MYT1: variants seen among roughly 807,000 people sequenced by gnomAD.
MYT1 encodes myelin transcription factor I.
Under a neutral mutation model 123.0 loss-of-function variants are expected in MYT1, and 23 were observed. The ratio of observed to expected loss-of-function variants is 0.19; its 90% CI spans 0.13 to 0.26. The LOEUF (loss-of-function observed/expected upper bound fraction) is 0.26. MYT1 is among the 10% of genes least tolerant of loss of function. The pLI is 1.00. For synonymous variants in MYT1, 518 were observed against 575.3 expected (o/e 0.90, Z 1.43); for missense variants, 1,125 against 1,472.5 (o/e 0.76, Z 3.86).
chr20:64,210,605 C>T (rs1983638748), intron 7 of MYT1, among the ~76,000 whole-genome samples: 1 of 152,198 alleles, frequency 6.6e-6, no homozygotes, highest in African/African-American at 2.4e-5. Flanking sequence ...CCAAAGGGGA[C>T]AGCTCTCGTC....
intron 1 of MYT1, among the ~76,000 whole-genome samples, chr20:64,178,332 C>A (rs1026938302): frequency 7.9e-5 from 12 of 152,270 alleles, no homozygotes; most frequent in African/African-American, 2.9e-4. Flanking sequence ...TCCACCCTCA[C>A]CTTCTCGGCC....
At chr20:64,222,223 ACCTTTGTGTTGTG>A (rs1984029868) in intron 14 of MYT1, among the ~76,000 whole-genome samples, 176 bp downstream of exon 14, 1 of 152,112 alleles carries the variant, frequency 6.6e-6, no homozygotes, top group Non-Finnish European at 1.5e-5. Context: ...GTTTCCCAAC[ACCTTTGTGTTGTG>A]CTGGGCTTTA....
chr20:64,182,961 G>A (rs1473209314), intron 1 of MYT1, among the ~76,000 whole-genome samples: 1 of 151,924 alleles, frequency 6.6e-6, no homozygotes, highest in Non-Finnish European at 1.5e-5. Flanking sequence ...GTGTAGGGTT[G>A]TACATCTATC....
intron 1 of MYT1, among the ~76,000 whole-genome samples, chr20:64,169,214 C>T (rs1249148966): frequency 2.0e-5 from 3 of 152,116 alleles, no homozygotes; most frequent in Non-Finnish European, 4.4e-5. Flanking sequence ...CTCCATGGTG[C>T]ACCAAGGCCT....
At chr20:64,201,595 G>A (rs1232948790) in intron 4 of MYT1, among the ~76,000 whole-genome samples, 1 of 152,228 alleles carries the variant, frequency 6.6e-6, no homozygotes, top group Non-Finnish European at 1.5e-5. Flanking sequence ...CTTCACGTGG[G>A]CATGCCTGTG....
intron 12 of MYT1, 80 bp downstream of exon 12, chr20:64,219,115 C>T: frequency 8.7e-6 from 13 of 1,486,164 alleles, no homozygotes; most frequent in Non-Finnish European, 1.1e-5. Context: ...GCTCTCTGCA[C>T]AAAATGTCCC....
chr20:64,198,979 G>C, intron 3 of MYT1, 63 bp downstream of exon 3: 1 of 1,572,844 alleles, frequency 6.4e-7, no homozygotes, highest in Non-Finnish European at 8.7e-7. Context: ...GTCTTCCTCA[G>C]GAGCACAAAC....
intron 10 of MYT1, among the ~76,000 whole-genome samples, chr20:64,215,302 G>A (rs1280878496): frequency 2.6e-5 from 4 of 152,154 alleles, no homozygotes; most frequent in Admixed American, 2.6e-4. Flanking sequence ...TATAAAAGTA[G>A]GACAACAAAC....
At position 64,237,224 on chromosome 20, in the gene MYT1, C is replaced by T. The variant is rs1441057313; in HGVS notation, c.2990-63C>T. ...CAGTTCTAGAAAGCAGGCTTCCCCA[C>T]AGCACTTTGGCCCAGGCCTGCCTGA... On this transcript the variant is annotated intron_variant, in intron 20 of 22. Coordinates refer to ENST00000328439, the MANE Select transcript of MYT1 (RefSeq NM_004535.3). The T allele has an allele frequency of 5.7e-6, 8 of 1,395,862 alleles. No individual in the cohort carries two copies. The Middle Eastern group carries it at 5.4e-4, about 94-fold the overall frequency. 86.5% of individuals were successfully genotyped at this position (1,395,862 alleles called of 1,614,324 possible).
At chr20:64,236,236 A>ATGGCTGTGGTGGGTGACCCTGGGC (rs1984535555) in intron 19 of MYT1, among the ~76,000 whole-genome samples, 1 of 35,422 alleles carries the variant, frequency 2.8e-5, no homozygotes, top group Non-Finnish European at 4.9e-5. Flanking sequence ...TGACCCTGGG[A>ATGGCTGTGGTGGGTGACCCTGGGC]TGGCTGTGGT....
rs1470517069 is a variant in MYT1, at chr20:64,202,466, G to A, written c.86+2544G>A. 1.3e-5 allele frequency among the ~76,000 whole-genome samples: 2 copies of A among 152,078 alleles called. No homozygotes were observed. Among genetic ancestry groups the A allele is most frequent in the Non-Finnish European group, 2.9e-5 (2 of 68,022 alleles). On this transcript the variant is annotated intron_variant, in intron 4 of 22. Transcript: ENST00000328439. This position sits in a 1 kb window ranked among gnomAD's most constrained non-coding sequence, Gnocchi z 5.0. ...GTTAGCATCTTTGAGACAGCGAGGC[G>A]CTGACAACACCGAGTTCAGGACCAT... is the stretch of plus-strand genomic sequence containing the variant.
intron 1 of MYT1, among the ~76,000 whole-genome samples, chr20:64,187,892 G>A (rs562197221): frequency 1.3e-5 from 2 of 152,200 alleles, no homozygotes; most frequent in African/African-American, 4.8e-5. Flanking sequence ...AGGTTTCACC[G>A]GGTGCCATTC....
Position 64,208,263 on chromosome 20 carries a change from C to G in MYT1, c.1067C>G (p.Thr356Ser), listed in dbSNP as rs756325140. The change falls in exon 7 of 23, where the codon ACC (threonine) becomes AGC (serine). Residue 356 changes from threonine to serine, a missense_variant. Physicochemically the swap from Thr to Ser is moderately conservative, Grantham distance 58. Transcript: ENST00000328439. The surrounding 1 kb of genome is among the most constrained non-coding windows in gnomAD (Gnocchi z 5.4). Reference sequence around the variant, plus strand: ...TCGGATGATGACAAGGACGAGGACACCCACTCCCGGAAGTCAACAGTCACT... The same window carrying G: ...TCGGATGATGACAAGGACGAGGACAGCCACTCCCGGAAGTCAACAGTCACT... The part of the protein sequence containing the change: ...VRSDDDKDED[T>S]HSRKSTVTDE... 3.1e-5 allele frequency: 50 copies of G among 1,614,062 alleles called. No homozygotes were observed. The highest frequency in any genetic ancestry group is 4.0e-5 in the Non-Finnish European group (47 of 1,180,048).
chr20:64,200,678 G>A (rs951834865), intron 4 of MYT1, among the ~76,000 whole-genome samples: 4 of 152,224 alleles, frequency 2.6e-5, no homozygotes, highest in Non-Finnish European at 5.9e-5. Flanking sequence ...TGATCTCTGG[G>A]AAGGTCATGG....
In MYT1 at chr20:64,202,038, G is replaced by C. The variant is rs189489857; in HGVS notation, c.86+2116G>C. Among the ~76,000 whole-genome samples the C allele has an allele frequency of 2.9e-3, 441 of 150,914 alleles. 3 individuals carry two copies. The highest frequency in any genetic ancestry group is 0.01 in the African/African-American group (421 of 41,036). The stretch of plus-strand genomic sequence containing the variant: ...CCCCTCGCGTGTCGGGAACCCCCGC[G>C]TGTCGGGAACCTCTGCGTGTCGGGA... On this transcript the variant is annotated intron_variant, in intron 4 of 22. Coordinates refer to ENST00000328439, the MANE Select transcript of MYT1 (RefSeq NM_004535.3). This position sits in a 1 kb window ranked among gnomAD's most constrained non-coding sequence, Gnocchi z 5.0.
At position 64,207,621 on chromosome 20, in the gene MYT1, G is replaced by T. The variant is rs770598662; in HGVS notation, c.425G>T (p.Gly142Val). The T allele has an allele frequency of 2.5e-6, 4 of 1,613,696 alleles. No individual in the cohort carries two copies. The highest frequency in any genetic ancestry group is 2.2e-5 in the South Asian group (2 of 91,058). ...EGRSPVKSHF[G>V]SNPIGSATAS... ...AGGAGCCCCGTCAAGTCCCATTTTG[G>T]ATCCAACCCCATCGGCAGCGCCACT... Residue 142 changes from glycine (G) to valine (V), a missense_variant, in exon 7 of 23, where the codon GGA becomes GTA. Coordinates refer to ENST00000328439, the MANE Select transcript of MYT1 (RefSeq NM_004535.3).
Position 64,203,402 on chromosome 20 carries a change from G to A in MYT1, c.87-1633G>A, listed in dbSNP as rs1163487134. On this transcript the variant is annotated intron_variant, in intron 4 of 22. Transcript: ENST00000328439. The surrounding 1 kb of genome is among the most constrained non-coding windows in gnomAD (Gnocchi z 5.1). ...AAAGCAAGTGTGGGCCTGGATTTTA[G>A]AAGAGACTAGAGGCAGGGAGAGGTG... Among the ~76,000 whole-genome samples, 2 of 152,222 alleles carry A rather than the reference G, an allele frequency of 1.3e-5. No homozygotes were observed. Among genetic ancestry groups the A allele is most frequent in the Non-Finnish European group, 2.9e-5 (2 of 68,040 alleles).
chr20:64,169,110 C>G (rs1175797726), intron 1 of MYT1, among the ~76,000 whole-genome samples: 3 of 152,144 alleles, frequency 2.0e-5, no homozygotes, highest in Non-Finnish European at 4.4e-5. Context: ...CTCACCTGGT[C>G]CTGGGGGACC....
intron 19 of MYT1, among the ~76,000 whole-genome samples, chr20:64,236,099 T>C (rs34698157): frequency 0.069 from 1,443 of 21,046 alleles, 259 homozygotes; most frequent in African/African-American, 0.31. Context: ...GGGATGGCCG[T>C]GGTGGGTGAC....
Sources: allele counts gnomAD v4.1 joint callset (sites outside exome capture counted in the v4.1 genomes callset), GRCh38; gene constraint gnomAD v4.1.1; non-coding constraint Gnocchi (gnomAD v3.1); transcripts MANE v1.5; gene names NCBI Gene and HGNC (gene_info 2026-07-23, HGNC 2026-07-21).